The following UST variants were observed in gnomAD, a reference collection of about 807,000 sequenced individuals.
UST encodes the protein chondroitin sulfate 2-O-sulfotransferase.
Under a neutral mutation model 45.6 loss-of-function variants are expected in UST, and 21 were observed. That is an observed-to-expected ratio of 0.46 (90% CI 0.33 to 0.66). The LOEUF (loss-of-function observed/expected upper bound fraction) is 0.66. Ranked by LOEUF, UST falls within the 30% of genes least tolerant of loss-of-function variation. The pLI is 0.02. For synonymous variants in UST, 215 were observed against 200.6 expected, an observed-to-expected ratio of 1.07 and a Z score of -0.61; for missense variants, 463 against 512.4, an observed-to-expected ratio of 0.90 and a Z score of 0.93.
At chr6:148,819,799 T>C (rs1254669123) in intron 1 of UST, among the ~76,000 whole-genome samples, 2 of 152,232 alleles carry the variant, frequency 1.3e-5, no homozygotes, top group Non-Finnish European at 2.9e-5. Flanking sequence ...TGGAATCTTT[T>C]TGTGTATGAA....
At chr6:148,927,333 A>G (rs1306841785) in intron 2 of UST, among the ~76,000 whole-genome samples, 1 of 152,232 alleles carries the variant, frequency 6.6e-6, no homozygotes, top group Non-Finnish European at 1.5e-5. Flanking sequence ...AAACAATTAT[A>G]TAAACCATCA....
intron 5 of UST, among the ~76,000 whole-genome samples, chr6:148,992,108 T>C (rs2114993214): frequency 6.6e-6 from 1 of 152,312 alleles, no homozygotes; most frequent in East Asian, 1.9e-4. Context: ...TTTATGATCA[T>C]AGCCTTGCTC....
chr6:148,904,716 G>T (rs1779324575), intron 2 of UST, among the ~76,000 whole-genome samples: 1 of 152,126 alleles, frequency 6.6e-6, no homozygotes, highest in African/African-American at 2.4e-5. Flanking sequence ...TAGAGACTGA[G>T]TTTCATCATG....
At chr6:148,927,902 G>A (rs1181379714) in intron 2 of UST, among the ~76,000 whole-genome samples, 1 of 152,152 alleles carries the variant, frequency 6.6e-6, no homozygotes. Flanking sequence ...AGAAATGGAT[G>A]GAGTCTGTAT....
At chr6:148,830,797 CAG>C (rs141613595) in intron 1 of UST, among the ~76,000 whole-genome samples, 2,044 of 152,044 alleles carry the variant, frequency 0.013, 42 homozygotes, top group African/African-American at 0.045. Flanking sequence ...TTGCCAGAGA[CAG>C]GGGGGAGGAG....
rs140724838 is a variant in UST, at chr6:149,018,900, A to G, written c.682-239A>G. Among the ~76,000 whole-genome samples, 729 of 152,310 alleles carry G rather than the reference A, an allele frequency of 4.8e-3. 4 individuals carry two copies. The highest frequency in any genetic ancestry group is 0.017 in the African/African-American group (707 of 41,544). Reference sequence around the variant, plus strand: ...CTCGGAGCCACCAGGAAGTGCAGAGATGCAGTTTACTCAACAGAGCATGCA... The same window carrying G: ...CTCGGAGCCACCAGGAAGTGCAGAGGTGCAGTTTACTCAACAGAGCATGCA... On this transcript the variant is annotated intron_variant, in intron 5 of 7. Transcript: ENST00000367463.
intron 1 of UST, among the ~76,000 whole-genome samples, chr6:148,807,851 C>T (rs762127745): frequency 2.0e-5 from 3 of 152,010 alleles, no homozygotes; most frequent in Non-Finnish European, 4.4e-5. Context: ...GGATATCTAT[C>T]GATGCCGTGG....
chr6:148,959,600 T>A (rs1562313213), intron 4 of UST, among the ~76,000 whole-genome samples: 1 of 152,166 alleles, frequency 6.6e-6, no homozygotes. Flanking sequence ...GGCCACCAGC[T>A]GTGTTGGCCC....
chr6:149,048,466 G>A (rs985341484), intron 7 of UST, among the ~76,000 whole-genome samples: 1 of 151,822 alleles, frequency 6.6e-6, no homozygotes, highest in Non-Finnish European at 1.5e-5. Context: ...AACCTGGGGG[G>A]CAGAGGTTGT....
At chr6:148,941,801 C>T (rs1433423693) in intron 3 of UST, among the ~76,000 whole-genome samples, 1 of 152,180 alleles carries the variant, frequency 6.6e-6, no homozygotes, top group East Asian at 1.9e-4. Flanking sequence ...ATTCTTCCCT[C>T]TTCATTTTCT....
chr6:148,749,866 G>A (rs970223376), intron 1 of UST, among the ~76,000 whole-genome samples: 7 of 152,162 alleles, frequency 4.6e-5, no homozygotes, highest in Non-Finnish European at 8.8e-5. Context: ...GGTTCAAAAT[G>A]ACATCATTGT....
intron 2 of UST, among the ~76,000 whole-genome samples, chr6:148,927,338 C>T (rs1779835668): frequency 6.6e-6 from 1 of 152,132 alleles, no homozygotes; most frequent in Admixed American, 6.5e-5. Flanking sequence ...ATTATATAAA[C>T]CATCATACCA....
chr6:148,913,892 C>G (rs1179964952), intron 2 of UST, among the ~76,000 whole-genome samples: 1 of 152,156 alleles, frequency 6.6e-6, no homozygotes, highest in Non-Finnish European at 1.5e-5. Context: ...AATCTTCTAG[C>G]TGCACTGGTT....
At chr6:149,003,695 G>A (rs746304905) in intron 5 of UST, among the ~76,000 whole-genome samples, 5 of 152,262 alleles carry the variant, frequency 3.3e-5, no homozygotes, top group Admixed American at 6.5e-5. Flanking sequence ...ACTTTTATTC[G>A]CCTAATAAAA....
At chr6:148,880,018 G>A (rs1429643934) in intron 1 of UST, among the ~76,000 whole-genome samples, 2 of 145,680 alleles carry the variant, frequency 1.4e-5, no homozygotes, top group South Asian at 2.2e-4. Flanking sequence ...GCAGTGGCAC[G>A]ATCTCAGCTC....
At chr6:148,791,990 C>T (rs1418571248) in intron 1 of UST, among the ~76,000 whole-genome samples, 1 of 152,122 alleles carries the variant, frequency 6.6e-6, no homozygotes, top group Non-Finnish European at 1.5e-5. Context: ...AATCTAATTA[C>T]CTTTGGTTCT....
intron 5 of UST, among the ~76,000 whole-genome samples, chr6:149,007,729 G>A (rs1413011082): frequency 1.3e-5 from 2 of 151,992 alleles, no homozygotes; most frequent in Non-Finnish European, 2.9e-5. Context: ...CGACCTCCAG[G>A]CAAACATTTA....
intron 4 of UST, among the ~76,000 whole-genome samples, chr6:148,959,406 G>A (rs540243207): frequency 2.6e-5 from 4 of 152,260 alleles, no homozygotes; most frequent in South Asian, 2.1e-4. Context: ...AGTAAAAATC[G>A]GTATTAGCAG....
At chr6:149,042,187 A>G (rs1288033918) in intron 7 of UST, among the ~76,000 whole-genome samples, 2 of 152,198 alleles carry the variant, frequency 1.3e-5, no homozygotes, top group East Asian at 3.8e-4. Flanking sequence ...TGACGTCACT[A>G]TTTTATGGGG....
Sources: gnomAD v4.1 joint callset for allele counts (sites outside exome capture counted in the v4.1 genomes callset) on GRCh38, gnomAD v4.1.1 for gene constraint, MANE v1.5 for transcripts, NCBI Gene and HGNC (gene_info 2026-07-23, HGNC 2026-07-21) for gene names.